DENND1A: variants seen among roughly 807,000 people sequenced by gnomAD.
DENND1A encodes the protein DENN domain-containing protein 1A.
A neutral mutation model predicts 113.7 loss-of-function variants in DENND1A; 51 were observed. That is an observed-to-expected ratio of 0.45 (90% CI 0.36 to 0.57). The LOEUF (loss-of-function observed/expected upper bound fraction) is 0.57. Among genes scored for constraint, DENND1A ranks in the 20% least tolerant of loss-of-function variants. DENND1A has a pLI of 0.00. For missense variants in DENND1A, 1,258 were observed against 1,395.9 expected, an observed-to-expected ratio of 0.90 and a Z score of 1.57; for synonymous variants, 565 against 570.8, an observed-to-expected ratio of 0.99 and a Z score of 0.14.
chr9:123,448,240 A>C (rs73575529), intron 18 of DENND1A, among the ~76,000 whole-genome samples: 32,041 of 152,208 alleles, frequency 0.21, 3,538 homozygotes, highest in Middle Eastern at 0.23. Flanking sequence ...GTGGAAGGAA[A>C]GTGATCTAGA....
chr9:123,871,024 T>C (rs951782459), intron 2 of DENND1A, among the ~76,000 whole-genome samples: 1 of 152,158 alleles, frequency 6.6e-6, no homozygotes, highest in African/African-American at 2.4e-5. Flanking sequence ...GGAATAAAAT[T>C]TGACTCTCAA....
chr9:123,517,254 G>C (rs916934606), intron 13 of DENND1A, among the ~76,000 whole-genome samples: 1 of 91,508 alleles, frequency 1.1e-5, no homozygotes, highest in East Asian at 3.2e-4. Flanking sequence ...CTCCGTCTCA[G>C]AAAAAAAAAA....
rs73665338 is a variant in DENND1A, at chr9:123,701,415, T to A, written c.303-24626A>T. 2.6e-3 allele frequency among the ~76,000 whole-genome samples: 403 copies of A among 152,268 alleles called. 1 individual carries two copies. The highest frequency in any genetic ancestry group is 9.1e-3 in the African/African-American group (377 of 41,552). On this transcript the variant is annotated intron_variant, in intron 5 of 23. Transcript: ENST00000394215. ...TTACCTCAGGCAGTGGAAAGAGATA[T>A]CATCTGCCTGGGGGAAAGAGAAATA... is the stretch of plus-strand genomic sequence containing the variant.
intron 11 of DENND1A, among the ~76,000 whole-genome samples, chr9:123,604,589 G>C (rs1040849341): frequency 4.6e-5 from 7 of 152,184 alleles, no homozygotes; most frequent in African/African-American, 1.7e-4. Context: ...TCAGCTCTTA[G>C]GAAGAAAGCA....
chr9:123,471,711 A>G (rs1205670367), intron 13 of DENND1A, among the ~76,000 whole-genome samples: 1 of 152,138 alleles, frequency 6.6e-6, no homozygotes, highest in Non-Finnish European at 1.5e-5. Context: ...TGACTTGACC[A>G]AGGCCACAGA....
intron 1 of DENND1A, among the ~76,000 whole-genome samples, chr9:123,882,464 C>T (rs1397262855): frequency 6.6e-6 from 1 of 151,814 alleles, no homozygotes; most frequent in East Asian, 1.9e-4. Context: ...CCTCGACTCC[C>T]GTTTCATATG....
chr9:123,851,612 C>G (rs1843372927), intron 2 of DENND1A, among the ~76,000 whole-genome samples: 2 of 152,182 alleles, frequency 1.3e-5, no homozygotes, highest in Admixed American at 1.3e-4. Flanking sequence ...AAGAAGCTTA[C>G]AACTGTTGTT....
intron 2 of DENND1A, among the ~76,000 whole-genome samples, chr9:123,850,325 A>G (rs556354913): frequency 1.2e-4 from 18 of 152,346 alleles, no homozygotes; most frequent in Middle Eastern, 3.4e-3. Context: ...CATTTAGACA[A>G]GATCGTTTGC....
At chr9:123,635,294 G>A (rs569669555) in intron 9 of DENND1A, among the ~76,000 whole-genome samples, 16 of 152,254 alleles carry the variant, frequency 1.1e-4, no homozygotes, top group South Asian at 4.1e-4. Flanking sequence ...GAAAGAGTGC[G>A]TGTGTGTTGA....
intron 19 of DENND1A, among the ~76,000 whole-genome samples, chr9:123,437,420 C>G (rs901974897): frequency 3.9e-5 from 6 of 152,198 alleles, no homozygotes; most frequent in Non-Finnish European, 8.8e-5. Flanking sequence ...CCCTGGCTAG[C>G]TGCACAGGCA....
At chr9:123,771,329 T>TTC (rs1564238229) in intron 3 of DENND1A, among the ~76,000 whole-genome samples, 1 of 152,192 alleles carries the variant, frequency 6.6e-6, no homozygotes, top group Non-Finnish European at 1.5e-5. Context: ...TTATAAAGTA[T>TTC]ACTACAATTC....
At chr9:123,614,176 G>A (rs963462447) in intron 10 of DENND1A, among the ~76,000 whole-genome samples, 7 of 152,190 alleles carry the variant, frequency 4.6e-5, no homozygotes, top group African/African-American at 1.4e-4. Flanking sequence ...TGCCAAGATC[G>A]CACAGCTGGT....
intron 9 of DENND1A, among the ~76,000 whole-genome samples, chr9:123,640,646 T>C (rs1041041152): frequency 2.6e-5 from 4 of 152,248 alleles, no homozygotes; most frequent in Non-Finnish European, 2.9e-5. Context: ...CCTGCAAGGA[T>C]GAGATTCAGC....
intron 11 of DENND1A, among the ~76,000 whole-genome samples, chr9:123,594,385 G>A (rs1269969823): frequency 6.6e-6 from 1 of 152,152 alleles, no homozygotes; most frequent in Non-Finnish European, 1.5e-5. Context: ...GATGGAAACT[G>A]AGGGTCAGAG....
intron 3 of DENND1A, among the ~76,000 whole-genome samples, chr9:123,775,904 A>T (rs1289308422): frequency 6.6e-6 from 1 of 152,182 alleles, no homozygotes; most frequent in Non-Finnish European, 1.5e-5. Flanking sequence ...CTTGGGACAC[A>T]AGCCTAGCAG....
intron 2 of DENND1A, among the ~76,000 whole-genome samples, chr9:123,832,823 A>G (rs1242912273): frequency 6.6e-6 from 1 of 152,220 alleles, no homozygotes; most frequent in Non-Finnish European, 1.5e-5. Context: ...GGTAAAAATG[A>G]TCAATGCTAT....
intron 13 of DENND1A, among the ~76,000 whole-genome samples, chr9:123,542,264 T>C (rs1352467294): frequency 6.6e-6 from 1 of 152,140 alleles, no homozygotes; most frequent in Non-Finnish European, 1.5e-5. Context: ...TATGAAGGTA[T>C]CGTTTAAGTC....
chr9:123,703,250 G>A (rs1336600561), intron 5 of DENND1A, among the ~76,000 whole-genome samples: 1 of 152,136 alleles, frequency 6.6e-6, no homozygotes. Context: ...AGGATTACAG[G>A]TGTGAGCCAC....
chr9:123,699,776 C>A (rs1385177371), intron 5 of DENND1A, among the ~76,000 whole-genome samples: 1 of 148,412 alleles, frequency 6.7e-6, no homozygotes, highest in Non-Finnish European at 1.5e-5. Context: ...CAGCTTACTG[C>A]AACCTTTGCC....
Sources: gnomAD v4.1 joint callset for allele counts (sites outside exome capture counted in the v4.1 genomes callset) on GRCh38, gnomAD v4.1.1 for gene constraint, MANE v1.5 for transcripts, NCBI Gene and HGNC (gene_info 2026-07-23, HGNC 2026-07-21) for gene names.